Variants in NRG1 observed in about 807,000 individuals in gnomAD.
The protein encoded by NRG1 is neuregulin 1.
A neutral mutation model predicts 63.8 loss-of-function variants in NRG1; 18 were observed. The ratio of observed to expected loss-of-function variants is 0.28; its 90% CI spans 0.19 to 0.42. NRG1 has a LOEUF of 0.42. NRG1 is among the 10% of genes least tolerant of loss of function. The pLI is 1.00. For missense variants in NRG1, 762 were observed against 814.7 expected (o/e 0.94, Z 0.79); for synonymous variants, 302 against 301.3 (o/e 1.00, Z -0.02).
chr8:32,362,225 T>C (rs1807313050), intron 1 of NRG1, among the ~76,000 whole-genome samples: 1 of 152,218 alleles, frequency 6.6e-6, no homozygotes, highest in Admixed American at 6.5e-5. Context: ...TAATGATTAA[T>C]ATCTGACTCC....
intron 1 of NRG1, among the ~76,000 whole-genome samples, chr8:32,202,528 T>C (rs1477207377): frequency 1.3e-5 from 2 of 152,118 alleles, no homozygotes; most frequent in African/African-American, 4.8e-5. Context: ...GTGACAGCCT[T>C]TTGGGGTTCC....
intron 7 of NRG1, chr8:32,749,371 G>A (rs1828223152): frequency 2.0e-5 from 13 of 649,852 alleles, no homozygotes; most frequent in East Asian, 1.4e-4. Context: ...AAAAAGAGAC[G>A]TTCCCTATGT....
At chr8:32,623,709 C>G (rs1252979990) in intron 5 of NRG1, among the ~76,000 whole-genome samples, 1 of 152,200 alleles carries the variant, frequency 6.6e-6, no homozygotes, top group African/African-American at 2.4e-5. Context: ...ACTGCCTTCA[C>G]AATCAGTTCT....
intron 1 of NRG1, among the ~76,000 whole-genome samples, chr8:31,812,778 CA>C (rs1823018036): frequency 1.3e-5 from 2 of 152,034 alleles, no homozygotes; most frequent in Admixed American, 6.6e-5. Context: ...AGAAGGAGAG[CA>C]ACAGAAAAGG....
At chr8:31,778,328 G>A (rs1350966882) in intron 1 of NRG1, among the ~76,000 whole-genome samples, 1 of 152,088 alleles carries the variant, frequency 6.6e-6, no homozygotes, top group African/African-American at 2.4e-5. Flanking sequence ...GAAGCATGAA[G>A]CCAGCCAGCC....
chr8:32,143,977 C>G (rs1194100824), intron 1 of NRG1, among the ~76,000 whole-genome samples: 4 of 152,146 alleles, frequency 2.6e-5, no homozygotes, highest in Non-Finnish European at 5.9e-5. Flanking sequence ...TTATGTTTAG[C>G]GTCAATTTCT....
chr8:32,608,092 G>GTTTTTTTTTTTTTTTTTTTTT (rs1226154193), intron 3 of NRG1, among the ~76,000 whole-genome samples: 1 of 106,196 alleles, frequency 9.4e-6, no homozygotes, highest in African/African-American at 3.4e-5. Context: ...GGTTTTTTTT[G>GTTTTTTTTTTTTTTTTTTTTT]TTTTTTTTTT....
intron 1 of NRG1, among the ~76,000 whole-genome samples, chr8:31,936,493 GC>G (rs1277760332): frequency 1.3e-5 from 2 of 151,932 alleles, no homozygotes; most frequent in East Asian, 3.9e-4. Context: ...TTAAACTATT[GC>G]CCTTGTTTAG....
intron 1 of NRG1, among the ~76,000 whole-genome samples, chr8:31,914,363 A>G (rs1458269482): frequency 6.6e-6 from 1 of 150,790 alleles, no homozygotes; most frequent in Non-Finnish European, 1.5e-5. Context: ...AATTCACACT[A>G]AAGAACTTTA....
chr8:31,891,193 C>T (rs905577079), intron 1 of NRG1, among the ~76,000 whole-genome samples: 56 of 152,056 alleles, frequency 3.7e-4, no homozygotes, highest in Admixed American at 2.4e-3. Flanking sequence ...GCAAAAGACC[C>T]TTTAAAAGGA....
rs1013411023 is a variant in NRG1, at chr8:32,322,189, T to TA, written c.38-273630dup. On this transcript the variant is annotated intron_variant, in intron 1 of 10. Coordinates refer to the NRG1 transcript ENST00000519301. ...GGACAACATAGCAAGACCCCATCTC[T>TA]AAAAAAAAAGAAAAAAAAAGAATGA... Among the ~76,000 whole-genome samples, 33 of 148,178 alleles carry TA rather than the reference T, an allele frequency of 2.2e-4. 1 individual carries two copies. The highest frequency in any genetic ancestry group is 3.1e-4 in the Non-Finnish European group (21 of 66,934).
chr8:31,771,898 G>T (rs1337950413), intron 1 of NRG1, among the ~76,000 whole-genome samples: 5 of 152,160 alleles, frequency 3.3e-5, no homozygotes, highest in African/African-American at 1.2e-4. Context: ...GCAAAAATAG[G>T]TGTGAATGTT....
At chr8:31,712,984 C>CCCATCCAT (rs66850785) in intron 1 of NRG1, among the ~76,000 whole-genome samples, 2 of 132,852 alleles carry the variant, frequency 1.5e-5, no homozygotes, top group Admixed American at 7.9e-5. Context: ...CATCCATCCA[C>CCCATCCAT]CCATCCATCC....
chr8:31,733,954 T>C (rs1406340842), intron 1 of NRG1, among the ~76,000 whole-genome samples: 1 of 152,196 alleles, frequency 6.6e-6, no homozygotes, highest in African/African-American at 2.4e-5. Context: ...CTAGGTGATC[T>C]GCAAGATCTT....
intron 5 of NRG1, among the ~76,000 whole-genome samples, chr8:32,628,008 C>T (rs192564373): frequency 1.1e-4 from 17 of 152,152 alleles, no homozygotes; most frequent in South Asian, 4.1e-4. Flanking sequence ...TAGAAATCTA[C>T]GTATTGAATC....
intron 1 of NRG1, among the ~76,000 whole-genome samples, chr8:32,557,759 G>A (rs1409474197): frequency 6.6e-6 from 1 of 152,114 alleles, no homozygotes; most frequent in Non-Finnish European, 1.5e-5. Context: ...CAGGCATTAT[G>A]GAAATGAGCG....
At chr8:32,163,741 C>T (rs1585759364) in intron 1 of NRG1, among the ~76,000 whole-genome samples, 2 of 152,270 alleles carry the variant, frequency 1.3e-5, no homozygotes, top group East Asian at 3.9e-4. Context: ...ACATAACTTG[C>T]AAAGGTGGAA....
chr8:32,086,183 GA>G (rs1828197217), intron 1 of NRG1, among the ~76,000 whole-genome samples: 2 of 152,260 alleles, frequency 1.3e-5, no homozygotes, highest in South Asian at 2.1e-4. Context: ...GCAATTTAAA[GA>G]ATGTTAACTA....
At chr8:32,534,591 C>T (rs1483109597) in intron 1 of NRG1, among the ~76,000 whole-genome samples, 1 of 152,082 alleles carries the variant, frequency 6.6e-6, no homozygotes, top group East Asian at 1.9e-4. Flanking sequence ...AGTTCTGGTG[C>T]CACAGAACGG....
Sources: allele counts gnomAD v4.1 joint callset (sites outside exome capture counted in the v4.1 genomes callset), GRCh38; gene constraint gnomAD v4.1.1; transcripts MANE v1.5; gene names NCBI Gene and HGNC (gene_info 2026-07-23, HGNC 2026-07-21).